AUH: variants seen among roughly 807,000 people sequenced by gnomAD.
AUH encodes the protein methylglutaconyl-CoA hydratase, mitochondrial.
A neutral mutation model predicts 42.3 loss-of-function variants in AUH; 29 were observed. The observed-to-expected ratio is 0.69, with a 90% CI of 0.51 to 0.93. The LOEUF is 0.93. Among genes scored for constraint, AUH ranks in the 40% least tolerant of loss-of-function variants. The pLI is 0.00. For synonymous variants in AUH, 174 were observed against 166.4 expected, an observed-to-expected ratio of 1.05 and a Z score of -0.35; for missense variants, 452 against 438.1, an observed-to-expected ratio of 1.03 and a Z score of -0.28.
chr9:91,283,673 C>T (rs1444090311), intron 6 of AUH, among the ~76,000 whole-genome samples: 1 of 152,132 alleles, frequency 6.6e-6, no homozygotes, highest in Non-Finnish European at 1.5e-5. Flanking sequence ...CAATAACAGA[C>T]AAACAGAGAG....
chr9:91,265,685 T>C (rs1829938032), intron 6 of AUH, among the ~76,000 whole-genome samples: 1 of 152,202 alleles, frequency 6.6e-6, no homozygotes, highest in Non-Finnish European at 1.5e-5. Context: ...CTCCACAGAA[T>C]GAGAAGGATT....
At chr9:91,357,036 A>G (rs1424616091) in intron 1 of AUH, among the ~76,000 whole-genome samples, 1 of 152,208 alleles carries the variant, frequency 6.6e-6, no homozygotes, top group Non-Finnish European at 1.5e-5. Flanking sequence ...AACTGTGCAG[A>G]CCCATTCTTT....
chr9:91,316,005 T>TTAA (rs1217369834), intron 4 of AUH, among the ~76,000 whole-genome samples: 1 of 152,246 alleles, frequency 6.6e-6, no homozygotes, highest in Non-Finnish European at 1.5e-5. Context: ...TATTGGTACA[T>TTAA]GTGTGTATTA....
At chr9:91,228,985 A>G (rs1395063591) in intron 6 of AUH, among the ~76,000 whole-genome samples, 2 of 151,892 alleles carry the variant, frequency 1.3e-5, no homozygotes, top group Non-Finnish European at 2.9e-5. Flanking sequence ...AATGTGGTCA[A>G]TTTTGGAATA....
At chr9:91,287,663 G>A (rs1423765761) in intron 6 of AUH, among the ~76,000 whole-genome samples, 1 of 152,062 alleles carries the variant, frequency 6.6e-6, no homozygotes, top group African/African-American at 2.4e-5. Flanking sequence ...AAACATGAAT[G>A]AGGTACTCTT....
chr9:91,231,549 C>T (rs1016824925), intron 6 of AUH, among the ~76,000 whole-genome samples: 1 of 152,202 alleles, frequency 6.6e-6, no homozygotes, highest in South Asian at 2.1e-4. Flanking sequence ...TAGACCGGAG[C>T]TGTTCCTATT....
intron 4 of AUH, among the ~76,000 whole-genome samples, chr9:91,299,121 A>C (rs2131670391): frequency 6.6e-6 from 1 of 152,340 alleles, no homozygotes; most frequent in South Asian, 2.1e-4. Flanking sequence ...AAAGAGGCTG[A>C]GGCAGGAGAA....
chr9:91,228,980 G>A (rs1407475862), intron 6 of AUH, among the ~76,000 whole-genome samples: 5 of 151,894 alleles, frequency 3.3e-5, no homozygotes, highest in Non-Finnish European at 7.4e-5. Flanking sequence ...CCAAGAATGT[G>A]GTCAATTTTG....
chr9:91,301,036 C>T (rs1214944760), intron 4 of AUH, among the ~76,000 whole-genome samples: 5 of 152,246 alleles, frequency 3.3e-5, no homozygotes, highest in African/African-American at 1.2e-4. Context: ...TTCACTGCCT[C>T]TTCCTCCTTT....
chr9:91,269,982 C>T (rs1824984862), intron 6 of AUH, among the ~76,000 whole-genome samples: 1 of 152,140 alleles, frequency 6.6e-6, no homozygotes, highest in Admixed American at 6.5e-5. Flanking sequence ...GAACTGTCTC[C>T]CAGCAATGGA....
chr9:91,288,041 TC>T (rs755470748), intron 6 of AUH, among the ~76,000 whole-genome samples: 11 of 151,950 alleles, frequency 7.2e-5, no homozygotes, highest in Non-Finnish European at 1.0e-4. Context: ...TGAATATGCC[TC>T]CCCCCAGAAG....
rs1554708417 is a variant in AUH at position 91,298,019 on chromosome 9, A to AG, written c.562dup (p.Leu188ProfsTer2). 1.2e-6 allele frequency: 2 copies of AG among 1,613,950 alleles called. No homozygotes were observed. Among genetic ancestry groups the AG allele is most frequent in the Non-Finnish European group, 1.7e-6 (2 of 1,179,822 alleles). The stretch of plus-strand genomic sequence containing the variant: ...TATATCACAGGCTAAAGCCAGTTCA[A>AG]GACCACCACCTAAAGCGAGTCCATC... On this transcript the variant is annotated frameshift_variant, in exon 5 of 10. Coordinates refer to ENST00000375731, the MANE Select transcript of AUH (RefSeq NM_001698.3). LOFTEE classifies it high-confidence loss of function.
chr9:91,353,802 C>A (rs1158093554), intron 3 of AUH, among the ~76,000 whole-genome samples: 1 of 104,206 alleles, frequency 9.6e-6, no homozygotes, highest in Non-Finnish European at 1.7e-5. Context: ...GCCTGGGTGA[C>A]AGAGCAAGAC....
chr9:91,233,169 G>A (rs187225130), intron 6 of AUH, among the ~76,000 whole-genome samples: 1 of 151,988 alleles, frequency 6.6e-6, no homozygotes, highest in Admixed American at 6.5e-5. Context: ...GTAAGAAAGC[G>A]GGGGGAGATG....
At chr9:91,301,668 A>G (rs1480233611) in intron 4 of AUH, among the ~76,000 whole-genome samples, 5 of 152,222 alleles carry the variant, frequency 3.3e-5, no homozygotes, top group African/African-American at 1.2e-4. Flanking sequence ...CTGCAAAAAG[A>G]GCCAGCCTAG....
At chr9:91,227,072 C>T (rs1082056) in intron 6 of AUH, among the ~76,000 whole-genome samples, 150,951 of 151,480 alleles carry the variant, frequency 1, 75,213 homozygotes, top group East Asian at 1. Context: ...AAAGTAGTTT[C>T]TCCCAATTCT....
At chr9:91,296,182 T>C (rs1472005619) in intron 5 of AUH, 105 bp from the exon 6 acceptor site, 4 of 1,131,574 alleles carry the variant, frequency 3.5e-6, no homozygotes, top group Admixed American at 3.8e-5. Flanking sequence ...ACTAATTAAA[T>C]TGATATCACA....
intron 3 of AUH, among the ~76,000 whole-genome samples, chr9:91,344,628 C>T (rs190527808): frequency 3.0e-4 from 46 of 152,294 alleles, no homozygotes; most frequent in African/African-American, 1.1e-3. Context: ...GACCAAATGA[C>T]TTCGTTGGTG....
rs574773425 is a variant in AUH, at chr9:91,249,894, C to G, written c.656-28902G>C. On this transcript the variant is annotated intron_variant, in intron 6 of 9. Transcript: ENST00000375731. The stretch of plus-strand genomic sequence containing the variant: ...GGGCACGGTGGTGCGTGCCTGTAGT[C>G]CCAGCTATTCAGGAGGCTGAGGCAG... Among the ~76,000 whole-genome samples the G allele has an allele frequency of 1.7e-4, 26 of 152,022 alleles. No individual in the cohort carries two copies. The South Asian group carries it at 5.4e-3, about 32-fold the overall frequency.
Sources: gnomAD v4.1 joint callset for allele counts (sites outside exome capture counted in the v4.1 genomes callset) on GRCh38, gnomAD v4.1.1 for gene constraint, MANE v1.5 for transcripts, NCBI Gene and HGNC (gene_info 2026-07-23, HGNC 2026-07-21) for gene names.